PTPRD: variants seen among roughly 807,000 people sequenced by gnomAD.
PTPRD encodes protein tyrosine phosphatase receptor type D, also known as receptor-type tyrosine-protein phosphatase delta.
In PTPRD, 34 loss-of-function variants were observed where a neutral mutation model predicts 214.5. The ratio of observed to expected loss-of-function variants is 0.16; its 90% confidence interval spans 0.12 to 0.21. The LOEUF is 0.21. Among genes scored for constraint, PTPRD ranks in the 10% least tolerant of loss-of-function variants. The pLI, the probability that PTPRD is intolerant of heterozygous loss-of-function variation, is 1.00. For missense variants in PTPRD, 2,545 were observed against 2,398.7 expected, an observed-to-expected ratio of 1.06 and a Z score of -1.27; for synonymous variants, 1,128 against 845.7, an observed-to-expected ratio of 1.33 and a Z score of -5.79.
At chr9:9,007,740 T>TC (rs1336811311) in intron 11 of PTPRD, among the ~76,000 whole-genome samples, 1 of 150,684 alleles carries the variant, frequency 6.6e-6, no homozygotes, top group East Asian at 2.0e-4. Flanking sequence ...CTTTTTTTTT[T>TC]TTTCATTGTG....
At chr9:9,427,279 T>A (rs1267943520) in intron 8 of PTPRD, among the ~76,000 whole-genome samples, 1 of 152,108 alleles carries the variant, frequency 6.6e-6, no homozygotes, top group Non-Finnish European at 1.5e-5. Flanking sequence ...CAAGCTTCAG[T>A]AGCCGATTTG....
intron 11 of PTPRD, among the ~76,000 whole-genome samples, chr9:8,876,598 C>A (rs1318878784): frequency 6.6e-6 from 1 of 152,124 alleles, no homozygotes; most frequent in Non-Finnish European, 1.5e-5. Context: ...TGGCAGAAAT[C>A]TATTCAAGAA....
intron 10 of PTPRD, among the ~76,000 whole-genome samples, chr9:9,168,705 A>C (rs1338703998): frequency 6.6e-6 from 1 of 152,074 alleles, no homozygotes; most frequent in Admixed American, 6.6e-5. Context: ...GCACTAGCTA[A>C]TGTTTTTAAT....
In PTPRD at chr9:8,492,976, T is replaced by A; in HGVS notation, c.2353A>T (p.Met785Leu). 6.2e-7 allele frequency: 1 copy of A among 1,609,188 alleles called. No homozygotes were observed. The highest frequency in any genetic ancestry group is 8.5e-7 in the Non-Finnish European group (1 of 1,175,782). ...TCAGGCTGGAGCCCAGAAATGATCA[T>A]GTCCTGAAATGACAAAATAGAATGT... ...WEFDDTTEHD[M>L]IISGLQPETS... The change falls in exon 27 of 46, where the codon ATG becomes TTG. Residue 785 changes from methionine (M) to leucine (L), a missense_variant. Coordinates refer to ENST00000381196, the MANE Select transcript of PTPRD (RefSeq NM_002839.4).
intron 8 of PTPRD, among the ~76,000 whole-genome samples, chr9:9,552,837 T>C (rs528390759): frequency 5.9e-5 from 9 of 152,130 alleles, no homozygotes; most frequent in Non-Finnish European, 1.3e-4. Context: ...AGTCATTTGC[T>C]GACAGTAAAC....
At chr9:9,322,190 T>C (rs940786255) in intron 9 of PTPRD, among the ~76,000 whole-genome samples, 3 of 152,206 alleles carry the variant, frequency 2.0e-5, no homozygotes, top group Non-Finnish European at 2.9e-5. Flanking sequence ...TAAAGATGTT[T>C]TTAAACATTC....
intron 9 of PTPRD, among the ~76,000 whole-genome samples, chr9:9,302,495 A>G (rs1449368571): frequency 6.6e-6 from 1 of 151,390 alleles, no homozygotes; most frequent in Non-Finnish European, 1.5e-5. Flanking sequence ...AGGCCCATGT[A>G]ACTTGATTCC....
At chr9:10,287,276 G>A (rs1490695125) in intron 3 of PTPRD, among the ~76,000 whole-genome samples, 1 of 152,182 alleles carries the variant, frequency 6.6e-6, no homozygotes, top group Non-Finnish European at 1.5e-5. Flanking sequence ...TCAAGATCTA[G>A]GCAGACAGAG....
At chr9:8,626,322 T>A (rs1487060279) in intron 14 of PTPRD, among the ~76,000 whole-genome samples, 1 of 151,854 alleles carries the variant, frequency 6.6e-6, no homozygotes, top group East Asian at 1.9e-4. Context: ...CACATAAAGA[T>A]GGCCTAGGTT....
At chr9:9,980,889 T>A (rs2154065599) in intron 4 of PTPRD, among the ~76,000 whole-genome samples, 1 of 151,674 alleles carries the variant, frequency 6.6e-6, no homozygotes, top group South Asian at 2.1e-4. Flanking sequence ...TTTAACCATG[T>A]TACATTCATT....
chr9:9,667,370 T>C (rs1594736268), intron 7 of PTPRD, among the ~76,000 whole-genome samples: 1 of 152,268 alleles, frequency 6.6e-6, no homozygotes, highest in East Asian at 1.9e-4. Context: ...TTTCTTATAG[T>C]GCTCAACTAC....
At chr9:8,789,822 T>G (rs2096149119) in intron 11 of PTPRD, among the ~76,000 whole-genome samples, 1 of 152,216 alleles carries the variant, frequency 6.6e-6, no homozygotes, top group Middle Eastern at 3.2e-3. Flanking sequence ...GATTGAAGAC[T>G]TAAATGTGAA....
At chr9:9,486,916 C>T (rs757630396) in intron 8 of PTPRD, among the ~76,000 whole-genome samples, 30 of 152,246 alleles carry the variant, frequency 2.0e-4, no homozygotes, top group African/African-American at 6.5e-4. Flanking sequence ...ACACTTCACC[C>T]GCTCTTATCA....
intron 7 of PTPRD, among the ~76,000 whole-genome samples, chr9:9,723,958 G>C (rs984825428): frequency 3.3e-5 from 5 of 151,990 alleles, no homozygotes; most frequent in Admixed American, 6.6e-5. Flanking sequence ...TAGAGATAGA[G>C]ATTCTTTCCA....
intron 11 of PTPRD, among the ~76,000 whole-genome samples, chr9:8,984,811 T>G (rs1193414266): frequency 1.3e-5 from 2 of 152,130 alleles, no homozygotes; most frequent in African/African-American, 4.8e-5. Flanking sequence ...AGCATTTATT[T>G]TACAAAGCTT....
At chr9:8,600,774 C>T (rs942017309) in intron 14 of PTPRD, among the ~76,000 whole-genome samples, 2 of 151,960 alleles carry the variant, frequency 1.3e-5, no homozygotes, top group African/African-American at 4.8e-5. Context: ...AGGTAATATA[C>T]CACAGGCCTT....
intron 9 of PTPRD, among the ~76,000 whole-genome samples, chr9:9,207,993 G>T (rs991662395): frequency 6.8e-5 from 8 of 116,864 alleles, no homozygotes; most frequent in Non-Finnish European, 1.5e-4. Context: ...TAAGAAAAAA[G>T]GTGGTATGGC....
At chr9:9,979,418 T>G (rs967347705) in intron 4 of PTPRD, among the ~76,000 whole-genome samples, 2 of 152,022 alleles carry the variant, frequency 1.3e-5, no homozygotes, top group Non-Finnish European at 2.9e-5. Context: ...AAAAATTGAA[T>G]AGTGGTAGTT....
At chr9:9,445,118 GT>G (rs1007573803) in intron 8 of PTPRD, among the ~76,000 whole-genome samples, 2 of 152,126 alleles carry the variant, frequency 1.3e-5, no homozygotes, top group African/African-American at 4.8e-5. Context: ...CACAAGTTTA[GT>G]TGATGGATCC....
Sources: allele counts gnomAD v4.1 joint callset (sites outside exome capture counted in the v4.1 genomes callset), GRCh38; gene constraint gnomAD v4.1.1; transcripts MANE v1.5; gene names NCBI Gene and HGNC (gene_info 2026-07-23, HGNC 2026-07-21).